Variants in TRIQK observed in about 807,000 individuals in gnomAD.
TRIQK encodes the protein triple QxxK/R motif-containing protein.
TRIQK carries 10 observed loss-of-function variants against 10.8 expected under a neutral mutation model. The ratio of observed to expected loss-of-function variants is 0.92; its 90% CI spans 0.57 to 1.57. The LOEUF (loss-of-function observed/expected upper bound fraction) is 1.57, where lower values mean the gene tolerates loss of function less well. Among genes scored for constraint, TRIQK ranks in the 40% most tolerant of loss-of-function variants. The pLI is 0.00. For missense variants in TRIQK, 107 were observed against 97.7 expected, an observed-to-expected ratio of 1.09 and a Z score of -0.40; for synonymous variants, 33 against 33.7, an observed-to-expected ratio of 0.98 and a Z score of 0.07.
At chr8:92,894,318 A>T (rs986061713) in intron 3 of TRIQK, among the ~76,000 whole-genome samples, 1 of 152,154 alleles carries the variant, frequency 6.6e-6, no homozygotes, top group Non-Finnish European at 1.5e-5. Context: ...CTAAAGCCAG[A>T]TCATTCCATT....
intron 1 of TRIQK, among the ~76,000 whole-genome samples, chr8:92,982,739 C>T (rs569152768): frequency 1.3e-5 from 2 of 152,026 alleles, no homozygotes; most frequent in Non-Finnish European, 2.9e-5. Context: ...ATGCAACCAT[C>T]TTCTGCTTTT....
intron 1 of TRIQK, among the ~76,000 whole-genome samples, chr8:92,988,029 C>A (rs1466164891): frequency 2.2e-5 from 2 of 92,994 alleles, no homozygotes; most frequent in African/African-American, 4.3e-5. Flanking sequence ...TTTTTTGAGA[C>A]GGAGTCTTGC....
chr8:92,964,707 T>C (rs563600996), intron 1 of TRIQK, among the ~76,000 whole-genome samples: 3 of 152,100 alleles, frequency 2.0e-5, no homozygotes, highest in African/African-American at 7.2e-5. Context: ...ACAAAAAGAT[T>C]AAAAGTGTAA....
At chr8:92,897,285 G>A (rs1264942569) in intron 3 of TRIQK, among the ~76,000 whole-genome samples, 1 of 152,174 alleles carries the variant, frequency 6.6e-6, no homozygotes. Context: ...TAAGACTTTT[G>A]GGACTATTGA....
At chr8:92,897,736 T>G (rs1808686023) in intron 3 of TRIQK, among the ~76,000 whole-genome samples, 1 of 152,192 alleles carries the variant, frequency 6.6e-6, no homozygotes, top group Non-Finnish European at 1.5e-5. Flanking sequence ...CCTTAAATGC[T>G]TTGAACCACT....
At chr8:92,904,676 G>A (rs1016626892) in intron 3 of TRIQK, among the ~76,000 whole-genome samples, 2 of 152,130 alleles carry the variant, frequency 1.3e-5, no homozygotes, top group African/African-American at 4.8e-5. Flanking sequence ...TACTGCAGGA[G>A]TAGATAAACT....
At chr8:92,934,075 G>T (rs1374486226) in intron 2 of TRIQK, among the ~76,000 whole-genome samples, 2 of 151,942 alleles carry the variant, frequency 1.3e-5, no homozygotes, top group Non-Finnish European at 2.9e-5. Flanking sequence ...TTTTGTAATG[G>T]TGGCTATTTC....
At chr8:92,891,104 G>A (rs905465430) in intron 4 of TRIQK, among the ~76,000 whole-genome samples, 1 of 151,814 alleles carries the variant, frequency 6.6e-6, no homozygotes, top group African/African-American at 2.4e-5. Flanking sequence ...CGAAAAGAAG[G>A]CAGTGTTTCG....
Position 92,888,126 on chromosome 8 carries a change from A to T in TRIQK, c.148-1391T>A, listed in dbSNP as rs1048948866. Among the ~76,000 whole-genome samples, 111 of 151,588 alleles carry T rather than the reference A, an allele frequency of 7.3e-4. 1 individual carries two copies. Among genetic ancestry groups the T allele is most frequent in the Non-Finnish European group, 1.6e-3 (105 of 67,700 alleles). On this transcript the variant is annotated intron_variant, in intron 4 of 4. Transcript: ENST00000521988. ...TTACACAGCTACTAATTTTAAGAGGATGTAATAAACAAGTGACACACAACT... is the reference window on the plus strand; with the variant it reads ...TTACACAGCTACTAATTTTAAGAGGTTGTAATAAACAAGTGACACACAACT...
chr8:93,006,973 G>A (rs1463571536), intron 1 of TRIQK, among the ~76,000 whole-genome samples: 1 of 152,236 alleles, frequency 6.6e-6, no homozygotes, highest in African/African-American at 2.4e-5. Context: ...GATTCCTTCA[G>A]CGCAGTGCAC....
At chr8:92,951,211 T>C (rs1307205026) in intron 2 of TRIQK, among the ~76,000 whole-genome samples, 3 of 152,038 alleles carry the variant, frequency 2.0e-5, no homozygotes, top group Non-Finnish European at 4.4e-5. Flanking sequence ...GAGGGCCAAC[T>C]GAAAATTTTT....
At chr8:92,955,185 A>G (rs1360126749) in intron 1 of TRIQK, among the ~76,000 whole-genome samples, 1 of 151,830 alleles carries the variant, frequency 6.6e-6, no homozygotes, top group Non-Finnish European at 1.5e-5. Flanking sequence ...AAATTTAAGT[A>G]TTTCCAAACT....
chr8:92,910,212 AT>A (rs1809499427), intron 3 of TRIQK, among the ~76,000 whole-genome samples: 2 of 151,534 alleles, frequency 1.3e-5, no homozygotes, highest in East Asian at 1.9e-4. Flanking sequence ...AATTAAAAAA[AT>A]ATGTGAAAGA....
At chr8:92,960,646 T>C (rs1297071147) in intron 1 of TRIQK, 3 of 152,192 alleles carry the variant, frequency 2.0e-5, no homozygotes, top group African/African-American at 4.8e-5. Flanking sequence ...ATAAGTCAGA[T>C]TGCTGCAATG....
chr8:92,898,833 G>GTGTATATATATA (rs1256723943), intron 3 of TRIQK, among the ~76,000 whole-genome samples: 17 of 73,916 alleles, frequency 2.3e-4, no homozygotes, highest in African/African-American at 4.0e-4. Context: ...GTGTGTGTGT[G>GTGTATATATATA]TATATATATA....
intron 3 of TRIQK, among the ~76,000 whole-genome samples, chr8:92,910,742 G>T (rs557418082): frequency 4.0e-5 from 6 of 150,574 alleles, no homozygotes; most frequent in Non-Finnish European, 8.9e-5. Flanking sequence ...AAATAAAAAG[G>T]TCATTATATA....
chr8:92,965,736 A>C (rs928509054), intron 1 of TRIQK: 6 of 152,556 alleles, frequency 3.9e-5, no homozygotes, highest in Non-Finnish European at 8.8e-5. Context: ...CACCGAACCC[A>C]GCACCCTCCA....
intron 1 of TRIQK, among the ~76,000 whole-genome samples, chr8:92,991,063 G>C (rs58672202): frequency 0.17 from 25,221 of 152,146 alleles, 2,106 homozygotes; most frequent in South Asian, 0.21. Context: ...CTGGCTTGGT[G>C]GGGGGAGGGA....
intron 3 of TRIQK, among the ~76,000 whole-genome samples, chr8:92,895,718 T>C (rs990774019): frequency 6.6e-6 from 1 of 152,096 alleles, no homozygotes; most frequent in African/African-American, 2.4e-5. Context: ...AAATACTTTA[T>C]ATGGAAGACA....
Sources: gnomAD v4.1 joint callset for allele counts (sites outside exome capture counted in the v4.1 genomes callset) on GRCh38, gnomAD v4.1.1 for gene constraint, MANE v1.5 for transcripts, NCBI Gene and HGNC (gene_info 2026-07-23, HGNC 2026-07-21) for gene names.